Variants in CR1 observed in about 807,000 individuals in gnomAD.
The protein encoded by CR1 is complement receptor type 1.
Under a neutral mutation model 187.3 loss-of-function variants are expected in CR1, and 116 were observed. The ratio of observed to expected loss-of-function variants is 0.62; its 90% confidence interval spans 0.53 to 0.72. The LOEUF is 0.72. Ranked by LOEUF, CR1 falls within the 30% of genes least tolerant of loss-of-function variation. The pLI, the probability that CR1 is intolerant of heterozygous loss-of-function variation, is 0.00. For synonymous variants in CR1, 576 were observed against 747.1 expected, an observed-to-expected ratio of 0.77 and a Z score of 3.73; for missense variants, 1,731 against 2,110.7, an observed-to-expected ratio of 0.82 and a Z score of 3.52.
chr1:207,563,978 G>A lies in CR1; in HGVS notation c.3701G>A (p.Gly1234Glu). The change falls in exon 22 of 47, where the codon GGG (glycine) becomes GAG (glutamate). Residue 1234 changes from glycine (G) to glutamate (E), a missense_variant. Around this residue, in one of 5 missense-constraint regions of CR1, gnomAD observed 34 missense variants for 79.5 expected, o/e 0.43. Coordinates refer to ENST00000367049, the MANE Select transcript of CR1 (RefSeq NM_000651.6). ...YSCEPGYDLR[G>E]AASMRCTPQG... ...TGTGAGCCCGGCTATGACCTCAGAG[G>A]GGCTGCGTCTATGCGCTGCACACCC... is the stretch of plus-strand genomic sequence containing the variant. 2 of 1,520,678 alleles carry A rather than the reference G, an allele frequency of 1.3e-6. No homozygotes were observed. Among genetic ancestry groups the A allele is most frequent in the Non-Finnish European group, 8.7e-7 (1 of 1,149,136 alleles). The allele number at this position is 1,520,678 out of a possible 1,614,324, so 94.2% of individuals were successfully genotyped here.
At chr1:207,638,470 C>T (rs111550667) in intron 46 of CR1, among the ~76,000 whole-genome samples, 2,144 of 152,256 alleles carry the variant, frequency 0.014, 24 homozygotes, top group Middle Eastern at 0.034. Context: ...TGATTTAAAG[C>T]AATGATAGAG....
intron 1 of CR1, among the ~76,000 whole-genome samples, chr1:207,500,539 G>T (rs993437958): frequency 6.6e-6 from 1 of 152,188 alleles, no homozygotes; most frequent in Non-Finnish European, 1.5e-5. Flanking sequence ...GAATGTGAAA[G>T]TGGGCTGAGT....
At chr1:207,544,619 G>A (rs1178545523) in intron 13 of CR1, among the ~76,000 whole-genome samples, 21 of 115,318 alleles carry the variant, frequency 1.8e-4, no homozygotes, top group African/African-American at 6.7e-4. Context: ...CTGAGATGCC[G>A]TTACAATATG....
rs370425971 is a variant in CR1 at position 207,506,740 on chromosome 1, C to A, written c.328C>A (p.Pro110Thr). ...RRKSCRNPPD[P>T]VNGMVHVIKG... ...TAAATCATGTCGTAATCCTCCAGAT[C>A]CTGTGAATGGCATGGTGCATGTGAT... Residue 110 changes from proline to threonine, a missense_variant, in exon 3 of 47, where the codon CCT becomes ACT. Pro to Thr is a conservative substitution (Grantham distance 38, BLOSUM62 -1). Coordinates refer to ENST00000367049, the MANE Select transcript of CR1 (RefSeq NM_000651.6). The A allele has an allele frequency of 2.4e-4, 388 of 1,613,562 alleles. No homozygotes were observed. Among genetic ancestry groups the A allele is most frequent in the Non-Finnish European group, 3.2e-4 (377 of 1,179,692 alleles).
rs764234936 is a variant in CR1, at chr1:207,588,716, G to A, written c.5752G>A (p.Val1918Met). The change falls in exon 35 of 47, where the codon GTG becomes ATG. Residue 1918 changes from valine (V) to methionine (M), a missense_variant. This residue lies in a region of CR1 where 1,312 missense variants were observed against 1,379.6 expected (regional missense o/e 0.95). Coordinates refer to ENST00000367049, the MANE Select transcript of CR1 (RefSeq NM_000651.6). ...GPPPEPFNGM[V>M]HINTDTQFGS... ...TCCACCAGAACCCTTCAATGGAATGGTGCATATAAACACAGATACACAGTT... is the reference window on the plus strand; with the variant it reads ...TCCACCAGAACCCTTCAATGGAATGATGCATATAAACACAGATACACAGTT... 51 of 1,613,008 alleles carry A rather than the reference G, an allele frequency of 3.2e-5. No individual in the cohort carries two copies. The Middle Eastern group carries it at 2.5e-3, about 78-fold the overall frequency.
chr1:207,567,929 A>G lies in CR1; in HGVS notation c.4058A>G (p.His1353Arg), dbSNP rs767210068. The G allele has an allele frequency of 1.2e-6, 2 of 1,610,272 alleles. No individual in the cohort carries two copies. Among genetic ancestry groups the G allele is most frequent in the African/African-American group, 2.8e-5 (2 of 71,942 alleles). ...GKAVNYTCDP[H>R]PDRGTSFDLI... The stretch of plus-strand genomic sequence containing the variant: ...GCAGTAAATTACACATGCGACCCCC[A>G]CCCAGACAGAGGGACGAGCTTCGAC... The change falls in exon 25 of 47, where the codon CAC becomes CGC. Residue 1353 changes from histidine (H) to arginine (R), a missense_variant. By Grantham distance (29) the His-to-Arg change is conservative (BLOSUM62 0). Around this residue, in one of 5 missense-constraint regions of CR1, gnomAD observed 1,312 missense variants for 1,379.6 expected, o/e 0.95. Coordinates refer to ENST00000367049, the MANE Select transcript of CR1 (RefSeq NM_000651.6).
Position 207,588,756 on chromosome 1 carries a change from A to G in CR1, c.5792A>G (p.Asn1931Ser), listed in dbSNP as rs1278996767. The G allele has an allele frequency of 6.2e-7, 1 of 1,609,606 alleles. No individual in the cohort carries two copies. The highest frequency in any genetic ancestry group is 1.7e-5 in the Admixed American group (1 of 59,572). Residue 1931 changes from asparagine to serine, a missense_variant, in exon 35 of 47, where the codon AAT becomes AGT. Around this residue, in one of 5 missense-constraint regions of CR1, gnomAD observed 1,312 missense variants for 1,379.6 expected, o/e 0.95. Coordinates refer to ENST00000367049, the MANE Select transcript of CR1 (RefSeq NM_000651.6). ...GATACACAGTTTGGATCAACAGTTA[A>G]TTATTCTTGTAATGAAGGGTGAGTT... is the stretch of plus-strand genomic sequence containing the variant. ...NTDTQFGSTV[N>S]YSCNEGFRLI...
rs1023833441 is a variant in CR1 at position 207,640,548 on chromosome 1, A to C, written c.*1139A>C. On this transcript the variant is annotated 3_prime_UTR_variant, in exon 47 of 47. Coordinates refer to ENST00000367049, the MANE Select transcript of CR1 (RefSeq NM_000651.6). ...ATTGTTATTATAAAAGTACTAGCTT[A>C]CTTTTGTATGGATTCAGAATATACT... 7 of 152,394 alleles carry C rather than the reference A, an allele frequency of 4.6e-5. No individual in the cohort carries two copies. Among genetic ancestry groups the C allele is most frequent in the African/African-American group, 1.7e-4 (7 of 41,598 alleles). 9.4% of individuals were successfully genotyped at this position (152,394 alleles called of 1,614,324 possible). A position where few individuals can be genotyped will look rare whatever the true frequency, so the allele number is the denominator to read the frequency against.
chr1:207,518,727 C>T (rs1014463556), intron 4 of CR1, among the ~76,000 whole-genome samples: 7 of 152,184 alleles, frequency 4.6e-5, no homozygotes, highest in Admixed American at 6.5e-5. Flanking sequence ...CTGTGTGTGT[C>T]CTTTGCTCTT....
chr1:207,589,534 G>A (rs908712749), intron 35 of CR1, among the ~76,000 whole-genome samples: 48 of 152,262 alleles, frequency 3.2e-4, no homozygotes, highest in Admixed American at 2.6e-3. Context: ...GAAAATTCCC[G>A]AAACCAGAAT....
chr1:207,580,120 G>C, intron 29 of CR1, 120 bp from the exon 30 acceptor site: 1 of 1,389,864 alleles, frequency 7.2e-7, no homozygotes, highest in Non-Finnish European at 9.8e-7. Flanking sequence ...GTGAATTTGG[G>C]GCCTTGTGCT....
chr1:207,588,377 G>A (rs907351238), intron 34 of CR1, among the ~76,000 whole-genome samples: 1 of 152,106 alleles, frequency 6.6e-6, no homozygotes, highest in Non-Finnish European at 1.5e-5. Flanking sequence ...TGCCACGTTG[G>A]CCAGGCTGGT....
rs1022553116 is a variant in CR1 at position 207,584,883 on chromosome 1, A to G, written c.5530+7A>G. 2 of 1,613,780 alleles carry G rather than the reference A, an allele frequency of 1.2e-6. No homozygotes were observed. Among genetic ancestry groups the G allele is most frequent in the Non-Finnish European group, 8.5e-7 (1 of 1,179,834 alleles). Reference sequence around the variant, plus strand: ...GAACTTTCTGTTCGTGCTGGTCAGTATCCACTTCCACATATCCTAAATGGG... The same window carrying G: ...GAACTTTCTGTTCGTGCTGGTCAGTGTCCACTTCCACATATCCTAAATGGG... On this transcript the variant is annotated splice_region_variant and intron_variant, in intron 33 of 46. Transcript: ENST00000367049.
intron 42 of CR1, among the ~76,000 whole-genome samples, 154 bp downstream of exon 42, chr1:207,618,401 A>G (rs1280963409): frequency 2.0e-5 from 3 of 152,220 alleles, no homozygotes; most frequent in Non-Finnish European, 2.9e-5. Flanking sequence ...AAATTATTTC[A>G]TCTTATTAAC....
At chr1:207,526,542 G>A (rs1660178499) in intron 5 of CR1, among the ~76,000 whole-genome samples, 1 of 151,416 alleles carries the variant, frequency 6.6e-6, no homozygotes, top group Non-Finnish European at 1.5e-5. Context: ...AGATACCTCT[G>A]TTTTAGTCAC....
At chr1:207,614,606 A>T (rs557707470) in intron 40 of CR1, 117 bp downstream of exon 40, 1 of 711,570 alleles carries the variant, frequency 1.4e-6, no homozygotes, top group African/African-American at 1.8e-5. Context: ...TATGGATAAA[A>T]ATACTTCTTT....
chr1:207,601,594 T>TA (rs1328499375), intron 35 of CR1, among the ~76,000 whole-genome samples: 2 of 152,082 alleles, frequency 1.3e-5, no homozygotes, highest in African/African-American at 2.4e-5. Flanking sequence ...TTTTCTGGTT[T>TA]AAAAAAAATT....
At chr1:207,581,667 A>G (rs1660960619) in intron 31 of CR1, among the ~76,000 whole-genome samples, 1 of 152,178 alleles carries the variant, frequency 6.6e-6, no homozygotes. Flanking sequence ...CTAAATTCCA[A>G]TTACATGTGA....
At chr1:207,635,574 A>G (rs1389863562) in intron 46 of CR1, among the ~76,000 whole-genome samples, 1 of 151,792 alleles carries the variant, frequency 6.6e-6, no homozygotes, top group Non-Finnish European at 1.5e-5. Context: ...CCCAGGGATG[A>G]GCAGGAGACA....
Sources: gnomAD v4.1 joint callset for allele counts (sites outside exome capture counted in the v4.1 genomes callset) on GRCh38, gnomAD v4.1.1 for gene constraint, gnomAD v4.1.1 regional missense constraint, MANE v1.5 for transcripts, NCBI Gene and HGNC (gene_info 2026-07-23, HGNC 2026-07-21) for gene names.